Variants in PDE1A observed in about 807,000 individuals in gnomAD.
PDE1A encodes dual specificity calcium/calmodulin-dependent 3',5'-cyclic nucleotide phosphodiesterase 1A.
A neutral mutation model predicts 61.7 loss-of-function variants in PDE1A; 35 were observed. The ratio of observed to expected loss-of-function variants is 0.57; its 90% CI spans 0.43 to 0.75. The LOEUF is 0.75. Ranked by LOEUF, PDE1A falls within the 30% of genes least tolerant of loss-of-function variation. The probability of loss-of-function intolerance (pLI) is 0.00; values close to 1 mark genes in which losing one functional copy is unlikely to be tolerated. For synonymous variants in PDE1A, 232 were observed against 213.2 expected, an observed-to-expected ratio of 1.09 and a Z score of -0.77; for missense variants, 597 against 630.6, an observed-to-expected ratio of 0.95 and a Z score of 0.57.
the PDE1A span, among the ~76,000 whole-genome samples, chr2:182,696,079 C>T: frequency 1.3e-5 from 2 of 152,190 alleles, no homozygotes; most frequent in South Asian, 4.1e-4. Flanking sequence ...TAGACATACT[C>T]TTGTCATAAG....
intron 1 of PDE1A, among the ~76,000 whole-genome samples, chr2:182,271,133 A>G (rs1192665648): frequency 1.3e-5 from 2 of 150,352 alleles, no homozygotes; most frequent in African/African-American, 4.9e-5. Flanking sequence ...ATAATATTGC[A>G]TTGTACACTG....
chr2:182,604,909 A>C, the PDE1A span, among the ~76,000 whole-genome samples: 26 of 152,258 alleles, frequency 1.7e-4, no homozygotes, highest in African/African-American at 6.3e-4. Flanking sequence ...TTTCCACTCT[A>C]ATGAAGAAAA....
At chr2:182,452,665 C>T (rs1685608780) in intron 2 of PDE1A, among the ~76,000 whole-genome samples, 1 of 152,010 alleles carries the variant, frequency 6.6e-6, no homozygotes, top group East Asian at 1.9e-4. Context: ...CTACTGAAGC[C>T]CCAAGCAAAA....
chr2:182,308,070 G>A (rs1695713671), intron 1 of PDE1A, among the ~76,000 whole-genome samples: 1 of 152,068 alleles, frequency 6.6e-6, no homozygotes, highest in Non-Finnish European at 1.5e-5. Context: ...AATTGAATTT[G>A]AAAAATAATG....
chr2:182,514,455 C>T (rs1409902189), intron 2 of PDE1A, among the ~76,000 whole-genome samples: 1 of 152,150 alleles, frequency 6.6e-6, no homozygotes, highest in Non-Finnish European at 1.5e-5. Flanking sequence ...ACCAAAACAG[C>T]ATGGCACTGG....
chr2:182,171,780 A>G (rs139373992), intron 13 of PDE1A, among the ~76,000 whole-genome samples: 17 of 151,208 alleles, frequency 1.1e-4, no homozygotes, highest in African/African-American at 3.6e-4. Context: ...CACCAGAATG[A>G]GAGAACTGTC....
intron 6 of PDE1A, among the ~76,000 whole-genome samples, chr2:182,227,473 G>C (rs1286499363): frequency 1.3e-5 from 2 of 152,126 alleles, no homozygotes; most frequent in South Asian, 4.1e-4. Flanking sequence ...TATGAGGTTT[G>C]ACACTATTTT....
chr2:182,156,532 AG>A (rs200212308), intron 13 of PDE1A, among the ~76,000 whole-genome samples: 2,236 of 152,298 alleles, frequency 0.015, 31 homozygotes, highest in South Asian at 0.056. Flanking sequence ...CATCTGGAAA[AG>A]CACAACAGTG....
intron 1 of PDE1A, among the ~76,000 whole-genome samples, chr2:182,332,478 A>G (rs1392336954): frequency 1.3e-5 from 2 of 152,072 alleles, no homozygotes; most frequent in African/African-American, 4.8e-5. Flanking sequence ...GTTTTTCCTC[A>G]TCTTCATGGA....
intron 1 of PDE1A, among the ~76,000 whole-genome samples, chr2:182,351,418 C>T (rs189609593): frequency 4.2e-4 from 64 of 152,178 alleles, no homozygotes; most frequent in East Asian, 1.7e-3. Context: ...AAGATAACTA[C>T]GAAAATTGTA....
intron 3 of PDE1A, among the ~76,000 whole-genome samples, chr2:182,235,907 A>G (rs561932951): frequency 3.3e-4 from 50 of 152,358 alleles, no homozygotes; most frequent in African/African-American, 1.1e-3. Context: ...TGCATGGGAC[A>G]TATTACTCAG....
intron 2 of PDE1A, among the ~76,000 whole-genome samples, chr2:182,247,708 T>G (rs2568680): frequency 0.72 from 108,863 of 151,676 alleles, 39,627 homozygotes; most frequent in African/African-American, 0.84. Flanking sequence ...CACCGGCAGA[T>G]AATTATTATA....
the PDE1A span, among the ~76,000 whole-genome samples, chr2:182,529,148 C>T: frequency 6.6e-6 from 1 of 152,318 alleles, no homozygotes; most frequent in South Asian, 2.1e-4. Flanking sequence ...ATAGGTACCA[C>T]AGACTCTCAA....
rs533008939 is a variant in PDE1A, at chr2:182,350,459, A to T, written c.53+76119T>A. Among the ~76,000 whole-genome samples the T allele has an allele frequency of 2.0e-5, 3 of 152,298 alleles. No individual in the cohort carries two copies. The East Asian group carries it at 5.8e-4, about 29-fold the overall frequency. On this transcript the variant is annotated intron_variant, in intron 1 of 13. Transcript: ENST00000351439. ...TGAGAATAAGCAGAAGTAGTTTCTCACAAAGAATGGCTACATACAAGGTCA... is the reference window on the plus strand; with the variant it reads ...TGAGAATAAGCAGAAGTAGTTTCTCTCAAAGAATGGCTACATACAAGGTCA...
At chr2:182,183,649 G>T (rs765454866) in intron 13 of PDE1A, among the ~76,000 whole-genome samples, 21 of 152,072 alleles carry the variant, frequency 1.4e-4, no homozygotes, top group Admixed American at 3.3e-4. Flanking sequence ...AAATTAGAGA[G>T]CCATAGAAAG....
intron 1 of PDE1A, among the ~76,000 whole-genome samples, chr2:182,344,046 AT>A (rs951248431): frequency 2.6e-5 from 4 of 151,598 alleles, no homozygotes; most frequent in Non-Finnish European, 4.4e-5. Flanking sequence ...AATTTTTAAT[AT>A]TTTTTGTAGA....
chr2:182,176,978 T>G (rs779901598), intron 13 of PDE1A, among the ~76,000 whole-genome samples: 1 of 150,210 alleles, frequency 6.7e-6, no homozygotes, highest in Non-Finnish European at 1.5e-5. Flanking sequence ...GTTTATATGC[T>G]GGATTACATT....
chr2:182,184,007 GAAGA>G (rs36010429), intron 13 of PDE1A, among the ~76,000 whole-genome samples: 24,274 of 134,010 alleles, frequency 0.18, 2,280 homozygotes, highest in South Asian at 0.25. Context: ...GAAAGGAAGA[GAAGA>G]AAGAAAGAAA....
the PDE1A span, among the ~76,000 whole-genome samples, chr2:182,561,881 G>A: frequency 6.6e-6 from 1 of 152,122 alleles, no homozygotes; most frequent in Non-Finnish European, 1.5e-5. Context: ...GTATAAGAAT[G>A]CTTGTGATTT....
Sources: allele counts gnomAD v4.1 joint callset (sites outside exome capture counted in the v4.1 genomes callset), GRCh38; gene constraint gnomAD v4.1.1; transcripts MANE v1.5; gene names NCBI Gene and HGNC (gene_info 2026-07-23, HGNC 2026-07-21).